The following MAMDC2 variants were observed in gnomAD, a reference collection of about 807,000 sequenced individuals.
MAMDC2 encodes the protein MAM domain containing 2, also known as MAM domain-containing protein 2.
In MAMDC2, 57 loss-of-function variants were observed where a neutral mutation model predicts 89.8. That is an observed-to-expected ratio of 0.63 (90% CI 0.51 to 0.79). The LOEUF (loss-of-function observed/expected upper bound fraction) is 0.79. Among genes scored for constraint, MAMDC2 ranks in the 30% least tolerant of loss-of-function variants. The pLI, the probability that MAMDC2 is intolerant of heterozygous loss-of-function variation, is 0.00. For synonymous variants in MAMDC2, 313 were observed against 293.4 expected (o/e 1.07, Z -0.68); for missense variants, 800 against 820.6 (o/e 0.97, Z 0.31).
chr9:70,162,246 C>CA (rs1470855720), intron 9 of MAMDC2, among the ~76,000 whole-genome samples: 1 of 152,140 alleles, frequency 6.6e-6, no homozygotes, highest in Non-Finnish European at 1.5e-5. Context: ...TTCTTTAACA[C>CA]AAACAGTCCT....
At chr9:70,099,273 T>C (rs977748954) in intron 2 of MAMDC2, among the ~76,000 whole-genome samples, 3 of 152,210 alleles carry the variant, frequency 2.0e-5, no homozygotes, top group African/African-American at 7.2e-5. Context: ...TGCTATATTA[T>C]TTATTTTCTA....
intron 2 of MAMDC2, among the ~76,000 whole-genome samples, chr9:70,085,314 G>T (rs1827744757): frequency 6.6e-6 from 1 of 151,942 alleles, no homozygotes; most frequent in Non-Finnish European, 1.5e-5. Flanking sequence ...TGTTCCCCTA[G>T]GCTCCTGGGA....
chr9:70,097,738 C>A (rs1020863034), intron 2 of MAMDC2, among the ~76,000 whole-genome samples: 1 of 152,116 alleles, frequency 6.6e-6, no homozygotes, highest in Admixed American at 6.5e-5. Context: ...TGCAAATCAA[C>A]CATCCTCAGT....
rs151050885 is a variant in MAMDC2, at chr9:70,154,761, C to A, written c.1404+10942C>A. Among the ~76,000 whole-genome samples, 407 of 152,210 alleles carry A rather than the reference C, an allele frequency of 2.7e-3. 5 individuals are homozygous for A. The highest frequency in any genetic ancestry group is 9.4e-3 in the African/African-American group (389 of 41,530). The stretch of plus-strand genomic sequence containing the variant: ...TCCTGGCCTCAAGCTCTCCTCCCAC[C>A]TCAGCCTCCCAAAGTGCTGGGATTA... On this transcript the variant is annotated intron_variant, in intron 9 of 13. Coordinates refer to ENST00000377182, the MANE Select transcript of MAMDC2 (RefSeq NM_153267.5).
At chr9:70,176,375 G>T (rs1055531248) in intron 11 of MAMDC2, among the ~76,000 whole-genome samples, 1 of 152,156 alleles carries the variant, frequency 6.6e-6, no homozygotes. Flanking sequence ...GGTTGTGTTT[G>T]CTTTGTCTTC....
chr9:70,190,752 T>C (rs2032860787), intron 11 of MAMDC2, among the ~76,000 whole-genome samples: 1 of 152,134 alleles, frequency 6.6e-6, no homozygotes, highest in Non-Finnish European at 1.5e-5. Context: ...TGTTAAACAA[T>C]TAAACAATTA....
At chr9:70,053,514 G>C (rs1826960662) in intron 2 of MAMDC2, among the ~76,000 whole-genome samples, 1 of 152,198 alleles carries the variant, frequency 6.6e-6, no homozygotes, top group Non-Finnish European at 1.5e-5. Context: ...GGCGGCCCTA[G>C]GCCAATAGAG....
chr9:70,131,154 A>G (rs2030790336), intron 6 of MAMDC2, among the ~76,000 whole-genome samples: 1 of 152,152 alleles, frequency 6.6e-6, no homozygotes, highest in African/African-American at 2.4e-5. Context: ...CAAATTCCAG[A>G]AGGGGCAAAT....
chr9:70,164,795 A>G (rs1271638305), intron 9 of MAMDC2, among the ~76,000 whole-genome samples: 1 of 151,826 alleles, frequency 6.6e-6, no homozygotes, highest in Non-Finnish European at 1.5e-5. Context: ...CTACAAGCGC[A>G]CACAGCTAAT....
At chr9:70,178,530 C>G (rs2032563382) in intron 11 of MAMDC2, among the ~76,000 whole-genome samples, 1 of 152,134 alleles carries the variant, frequency 6.6e-6, no homozygotes, top group Non-Finnish European at 1.5e-5. Context: ...ATGGCAGTTA[C>G]CCATTCAAAA....
chr9:70,092,328 T>A (rs1827920813), intron 2 of MAMDC2: 1 of 152,226 alleles, frequency 6.6e-6, no homozygotes, highest in African/African-American at 2.4e-5. Context: ...TGAGAACAGC[T>A]GGATTAGAAG....
At chr9:70,138,417 A>T (rs1587505268) in intron 7 of MAMDC2, among the ~76,000 whole-genome samples, 1 of 152,320 alleles carries the variant, frequency 6.6e-6, no homozygotes, top group East Asian at 1.9e-4. Flanking sequence ...CTTTGACTAG[A>T]TACCCAGTAA....
intron 2 of MAMDC2, among the ~76,000 whole-genome samples, chr9:70,075,515 C>T (rs1827511178): frequency 6.6e-6 from 1 of 152,176 alleles, no homozygotes; most frequent in African/African-American, 2.4e-5. Context: ...GGAAATATTA[C>T]TTAAAAGTTT....
chr9:70,208,320 T>C (rs984890738), intron 11 of MAMDC2, among the ~76,000 whole-genome samples: 1 of 152,198 alleles, frequency 6.6e-6, no homozygotes, highest in African/African-American at 2.4e-5. Context: ...AGCAGTGGTT[T>C]GTAGTTCTCC....
chr9:70,073,457 C>T (rs1827455728), intron 2 of MAMDC2, among the ~76,000 whole-genome samples: 1 of 152,164 alleles, frequency 6.6e-6, no homozygotes, highest in Non-Finnish European at 1.5e-5. Context: ...TTTATCTTGT[C>T]CAGATTCCTG....
chr9:70,130,045 T>TGTGA (rs1554673785), intron 6 of MAMDC2, among the ~76,000 whole-genome samples: 5 of 147,408 alleles, frequency 3.4e-5, no homozygotes, highest in Admixed American at 1.4e-4. Context: ...TGTGTGTGTG[T>TGTGA]GAGAGTGTCT....
chr9:70,189,771 T>C (rs1040743554), intron 11 of MAMDC2, among the ~76,000 whole-genome samples: 2 of 152,084 alleles, frequency 1.3e-5, no homozygotes, highest in African/African-American at 4.8e-5. Flanking sequence ...CTGTTCATTT[T>C]TTCTTTTATC....
intron 11 of MAMDC2, among the ~76,000 whole-genome samples, chr9:70,180,426 G>C (rs1327775065): frequency 6.6e-6 from 1 of 152,142 alleles, no homozygotes; most frequent in Non-Finnish European, 1.5e-5. Context: ...CTAGATCCTT[G>C]AAGAATTGCC....
At chr9:70,061,074 C>T (rs541689482) in intron 2 of MAMDC2, among the ~76,000 whole-genome samples, 8 of 152,306 alleles carry the variant, frequency 5.3e-5, no homozygotes, top group Non-Finnish European at 8.8e-5. Context: ...TGTTGCATTT[C>T]TATACCTGCC....
Sources: allele counts gnomAD v4.1 joint callset (sites outside exome capture counted in the v4.1 genomes callset), GRCh38; gene constraint gnomAD v4.1.1; transcripts MANE v1.5; gene names NCBI Gene and HGNC (gene_info 2026-07-23, HGNC 2026-07-21).